ADAMTS17: variants seen among roughly 807,000 people sequenced by gnomAD.
The protein encoded by ADAMTS17 is A disintegrin and metalloproteinase with thrombospondin motifs 17.
In ADAMTS17, 113 loss-of-function variants were observed where a neutral mutation model predicts 141.5. The ratio of observed to expected loss-of-function variants is 0.80; its 90% CI spans 0.69 to 0.93. ADAMTS17 has a LOEUF of 0.93. Ranked by LOEUF, ADAMTS17 falls within the 40% of genes least tolerant of loss-of-function variation. The probability of loss-of-function intolerance (pLI) is 0.00; values close to 1 mark genes in which losing one functional copy is unlikely to be tolerated. For synonymous variants in ADAMTS17, 768 were observed against 630.6 expected (o/e 1.22, Z -3.27); for missense variants, 1,659 against 1,517.9 (o/e 1.09, Z -1.54).
At chr15:100,210,688 A>G (rs8033111) in intron 7 of ADAMTS17, among the ~76,000 whole-genome samples, 128,835 of 152,258 alleles carry the variant, frequency 0.85, 54,611 homozygotes, top group South Asian at 0.9. Context: ...AGAGCTAGTC[A>G]GGCGCAGTGG....
At chr15:100,267,708 TCTG>T (rs1252157609) in intron 4 of ADAMTS17, among the ~76,000 whole-genome samples, 1 of 152,190 alleles carries the variant, frequency 6.6e-6, no homozygotes, top group Non-Finnish European at 1.5e-5. Flanking sequence ...GTCCGCAGTG[TCTG>T]CTGCCACCTT....
At chr15:100,059,785 C>T (rs2141644946) in intron 15 of ADAMTS17, among the ~76,000 whole-genome samples, 1 of 152,260 alleles carries the variant, frequency 6.6e-6, no homozygotes, top group East Asian at 1.9e-4. Context: ...GTGGGGTCTG[C>T]AAAGGCCTAT....
At chr15:100,172,392 A>C (rs1183370979) in intron 8 of ADAMTS17, among the ~76,000 whole-genome samples, 1 of 152,156 alleles carries the variant, frequency 6.6e-6, no homozygotes, top group Non-Finnish European at 1.5e-5. Context: ...TTTGTCCTCC[A>C]TTTTAAAGTT....
At chr15:100,077,399 T>C (rs561228891) in intron 15 of ADAMTS17, among the ~76,000 whole-genome samples, 72 of 148,016 alleles carry the variant, frequency 4.9e-4, no homozygotes, top group Non-Finnish European at 7.1e-4. Flanking sequence ...TGGGCAAGGG[T>C]TGCAGTGATC....
chr15:100,024,517 A>G (rs1401531121), intron 18 of ADAMTS17, among the ~76,000 whole-genome samples: 1 of 152,176 alleles, frequency 6.6e-6, no homozygotes, highest in Admixed American at 6.5e-5. Context: ...CCTGGATCCA[A>G]AGTGTTGAGC....
At chr15:100,223,836 T>A (rs1020150340) in intron 7 of ADAMTS17, among the ~76,000 whole-genome samples, 1 of 151,870 alleles carries the variant, frequency 6.6e-6, no homozygotes, top group Non-Finnish European at 1.5e-5. Context: ...TGTGTATATA[T>A]ATGGAGTTTA....
Position 100,108,973 on chromosome 15 carries a change from A to G in ADAMTS17, c.2016+16T>C, listed in dbSNP as rs2036574546. ...TCTCCAAAGCCCCACCAAGGACCGA[A>G]GGAGAAGTACGTCACCTGGCACTTG... On this transcript the variant is annotated intron_variant, in intron 14 of 21. Coordinates refer to ENST00000268070, the MANE Select transcript of ADAMTS17 (RefSeq NM_139057.4). 6.2e-7 allele frequency: 1 copy of G among 1,613,580 alleles called. No individual in the cohort carries two copies. Among genetic ancestry groups the G allele is most frequent in the Admixed American group, 1.7e-5 (1 of 60,026 alleles).
chr15:100,087,280 G>T (rs542251958), intron 15 of ADAMTS17, among the ~76,000 whole-genome samples: 16 of 152,100 alleles, frequency 1.1e-4, no homozygotes, highest in South Asian at 8.3e-4. Context: ...CTCCCAAGAC[G>T]AAACCAGGAA....
chr15:100,084,566 C>T (rs917556085), intron 15 of ADAMTS17, among the ~76,000 whole-genome samples: 1 of 152,196 alleles, frequency 6.6e-6, no homozygotes, highest in Non-Finnish European at 1.5e-5. Flanking sequence ...CCCTGACCCC[C>T]GAGTAGCCTA....
At chr15:100,282,183 C>G (rs1336336211) in intron 3 of ADAMTS17, among the ~76,000 whole-genome samples, 1 of 152,206 alleles carries the variant, frequency 6.6e-6, no homozygotes, top group Non-Finnish European at 1.5e-5. Context: ...ATATGAACAG[C>G]ATGCATTTTC....
At chr15:100,044,621 C>G (rs535678126) in intron 18 of ADAMTS17, among the ~76,000 whole-genome samples, 9 of 152,202 alleles carry the variant, frequency 5.9e-5, no homozygotes, top group Non-Finnish European at 5.9e-5. Flanking sequence ...ACATTCTTTT[C>G]TTCTAATTCC....
intron 10 of ADAMTS17, among the ~76,000 whole-genome samples, chr15:100,142,384 G>C (rs569605399): frequency 6.6e-6 from 1 of 152,280 alleles, no homozygotes; most frequent in East Asian, 1.9e-4. Context: ...CAGAGTACCG[G>C]GAGGGATGGT....
chr15:100,340,657 T>C (rs952904401), intron 2 of ADAMTS17, among the ~76,000 whole-genome samples: 10 of 152,092 alleles, frequency 6.6e-5, no homozygotes, highest in African/African-American at 2.4e-4. Flanking sequence ...TCCCGTGACA[T>C]ACACTTTGAC....
At chr15:100,071,532 A>G (rs1027603362) in intron 15 of ADAMTS17, among the ~76,000 whole-genome samples, 1 of 150,276 alleles carries the variant, frequency 6.7e-6, no homozygotes, top group African/African-American at 2.5e-5. Context: ...CACATCAAGA[A>G]GCTTACCCAT....
At chr15:100,109,463 ACT>A (rs1450384380) in intron 13 of ADAMTS17, among the ~76,000 whole-genome samples, 6 of 149,488 alleles carry the variant, frequency 4.0e-5, no homozygotes, top group African/African-American at 1.5e-4. Flanking sequence ...AGCTGGAGCC[ACT>A]CTTATAGCGA....
Position 100,296,578 on chromosome 15 carries a change from G to T in ADAMTS17, c.617-15177C>A, listed in dbSNP as rs147786202. 8.0e-3 allele frequency among the ~76,000 whole-genome samples: 1,019 copies of T among 127,614 alleles called. 11 individuals carry two copies. In the East Asian group the frequency reaches 0.1, roughly 13 times the overall value. 83.7% of individuals were successfully genotyped at this position (127,614 alleles called of 152,430 possible). ...GTTTTTTGTTTGGAGGGGGTGAGGG[G>T]GGGTGTGTGTGTGTGTGTGTGTGTG... On this transcript the variant is annotated intron_variant, in intron 3 of 21. Coordinates refer to ENST00000268070, the MANE Select transcript of ADAMTS17 (RefSeq NM_139057.4).
intron 7 of ADAMTS17, among the ~76,000 whole-genome samples, chr15:100,234,181 C>T (rs1427158037): frequency 7.2e-5 from 11 of 152,118 alleles, no homozygotes; most frequent in Admixed American, 7.2e-4. Flanking sequence ...GTGGAGTGGA[C>T]AGGCATTGCA....
chr15:100,003,289 C>T (rs75294375), intron 18 of ADAMTS17, among the ~76,000 whole-genome samples: 2,222 of 152,174 alleles, frequency 0.015, 86 homozygotes, highest in African/African-American at 0.051. Flanking sequence ...GTCAGAAATA[C>T]GGCTCAGCCC....
chr15:100,073,226 C>A (rs550337626), intron 15 of ADAMTS17, among the ~76,000 whole-genome samples: 1 of 152,248 alleles, frequency 6.6e-6, no homozygotes, highest in Non-Finnish European at 1.5e-5. Context: ...CCATCTCACA[C>A]CAGTTAGAAT....
Sources: allele counts gnomAD v4.1 joint callset (sites outside exome capture counted in the v4.1 genomes callset), GRCh38; gene constraint gnomAD v4.1.1; transcripts MANE v1.5; gene names NCBI Gene and HGNC (gene_info 2026-07-23, HGNC 2026-07-21).